Variants in PRELID2 observed in about 807,000 individuals in gnomAD.
PRELID2 encodes the protein PRELI domain-containing protein 2.
In PRELID2, 25 loss-of-function variants were observed where a neutral mutation model predicts 28.4. The observed-to-expected ratio is 0.88, with a 90% confidence interval of 0.64 to 1.23. The LOEUF is 1.23. Ranked by LOEUF, PRELID2 falls within the 50% of genes most tolerant of loss-of-function variation. The pLI, the probability that PRELID2 is intolerant of heterozygous loss-of-function variation, is 0.00. For missense variants in PRELID2, 201 were observed against 214.4 expected, an observed-to-expected ratio of 0.94 and a Z score of 0.39; for synonymous variants, 76 against 71.6, an observed-to-expected ratio of 1.06 and a Z score of -0.31.
chr5:145,815,726 C>T (rs755478616), intron 4 of PRELID2, among the ~76,000 whole-genome samples: 21 of 152,220 alleles, frequency 1.4e-4, no homozygotes, highest in Admixed American at 2.6e-4. Context: ...CATGTTTAAC[C>T]ATGAATCAGC....
At chr5:145,483,641 G>A (rs1275100097) in intron 1 of PRELID2, among the ~76,000 whole-genome samples, 1 of 152,142 alleles carries the variant, frequency 6.6e-6, no homozygotes, top group South Asian at 2.1e-4. Context: ...CATCCAACAA[G>A]TGATAGAGCC....
intron 1 of PRELID2, among the ~76,000 whole-genome samples, chr5:145,714,192 G>C (rs370556204): frequency 1.1e-3 from 168 of 152,190 alleles, no homozygotes; most frequent in African/African-American, 3.8e-3. Context: ...CCTCTGTGGT[G>C]TTTGGTCAAG....
the PRELID2 span, among the ~76,000 whole-genome samples, chr5:145,393,785 T>A: frequency 6.6e-6 from 1 of 152,154 alleles, no homozygotes; most frequent in Non-Finnish European, 1.5e-5. Context: ...GTGGAGAAAA[T>A]TTTAGGCCAA....
At chr5:145,784,930 A>G (rs1256704911) in intron 5 of PRELID2, among the ~76,000 whole-genome samples, 1 of 152,168 alleles carries the variant, frequency 6.6e-6, no homozygotes, top group East Asian at 1.9e-4. Context: ...CACTTTAATT[A>G]AAAATTGAAA....
Position 145,713,350 on chromosome 5 carries a change from T to TTATA in PRELID2, n.70+51577_70+51580dup, listed in dbSNP as rs148194664. Among the ~76,000 whole-genome samples, 152 of 124,674 alleles carry TTATA rather than the reference T, an allele frequency of 1.2e-3. 5 individuals carry two copies. Among genetic ancestry groups the TTATA allele is most frequent in the African/African-American group, 4.2e-3 (136 of 32,120 alleles). The allele number at this position is 124,674 out of a possible 152,430, so 81.8% of individuals were successfully genotyped here. ...AGAACTCTAAGAATGATATCTGACT[T>TTATA]TATATATATATATATATATACTTTA... On this transcript the variant is annotated intron_variant and non_coding_transcript_variant, in intron 1 of 2. Transcript: ENST00000510259.
chr5:145,294,013 A>G, the PRELID2 span, among the ~76,000 whole-genome samples: 1 of 152,144 alleles, frequency 6.6e-6, no homozygotes, highest in African/African-American at 2.4e-5. Flanking sequence ...CAACTGAGGA[A>G]TCTTAGGGCC....
intron 1 of PRELID2, among the ~76,000 whole-genome samples, chr5:145,659,048 A>G (rs1487132929): frequency 1.3e-5 from 2 of 152,206 alleles, no homozygotes; most frequent in African/African-American, 4.8e-5. Context: ...ATGAACCTAC[A>G]GCAGAGGGAG....
chr5:145,442,432 AC>A, the PRELID2 span, among the ~76,000 whole-genome samples: 1 of 152,124 alleles, frequency 6.6e-6, no homozygotes, highest in African/African-American at 2.4e-5. Flanking sequence ...TCTCTATTGC[AC>A]CCACAATGCA....
chr5:145,352,150 C>A, the PRELID2 span, among the ~76,000 whole-genome samples: 1 of 152,158 alleles, frequency 6.6e-6, no homozygotes, highest in African/African-American at 2.4e-5. Flanking sequence ...CTAGGCAATA[C>A]CACAGTGGGG....
At chr5:145,253,884 T>G in the PRELID2 span, among the ~76,000 whole-genome samples, 1 of 152,132 alleles carries the variant, frequency 6.6e-6, no homozygotes, top group Non-Finnish European at 1.5e-5. Flanking sequence ...ATGCAACTTT[T>G]GTCACTTTTA....
At chr5:145,793,358 AACAG>A (rs1414750155) in intron 5 of PRELID2, among the ~76,000 whole-genome samples, 1 of 152,164 alleles carries the variant, frequency 6.6e-6, no homozygotes, top group African/African-American at 2.4e-5. Flanking sequence ...ACCACTACTA[AACAG>A]ACTCAGCAAT....
chr5:145,586,385 G>A (rs905933295), intron 1 of PRELID2, among the ~76,000 whole-genome samples: 7 of 152,038 alleles, frequency 4.6e-5, no homozygotes, highest in African/African-American at 1.7e-4. Flanking sequence ...GCTCACACAT[G>A]TAATCCTAGC....
At chr5:145,637,777 T>C (rs1419172515) in intron 1 of PRELID2, among the ~76,000 whole-genome samples, 1 of 152,032 alleles carries the variant, frequency 6.6e-6, no homozygotes, top group Admixed American at 6.6e-5. Context: ...AGTCTTAATG[T>C]TAATGTCACA....
At chr5:145,616,932 C>A (rs554277390) in intron 1 of PRELID2, among the ~76,000 whole-genome samples, 4 of 152,062 alleles carry the variant, frequency 2.6e-5, no homozygotes, top group Admixed American at 2.0e-4. Flanking sequence ...ACGGCCACCC[C>A]CCGAAGCGGC....
chr5:145,371,801 C>A, the PRELID2 span, among the ~76,000 whole-genome samples: 1 of 150,562 alleles, frequency 6.6e-6, no homozygotes, highest in Non-Finnish European at 1.5e-5. Flanking sequence ...GTGGTGATAT[C>A]CCTGTTACCA....
chr5:145,287,806 C>T, the PRELID2 span, among the ~76,000 whole-genome samples: 3 of 152,062 alleles, frequency 2.0e-5, no homozygotes, highest in Non-Finnish European at 4.4e-5. Flanking sequence ...GTTCTAAGAT[C>T]CCACCCAAGA....
intron 1 of PRELID2, among the ~76,000 whole-genome samples, chr5:145,573,925 G>T (rs1753037305): frequency 6.6e-6 from 1 of 152,148 alleles, no homozygotes; most frequent in Admixed American, 6.5e-5. Flanking sequence ...TGCATTCTGT[G>T]TGGGCAGAAA....
At chr5:145,251,790 G>A in the PRELID2 span, among the ~76,000 whole-genome samples, 1 of 151,994 alleles carries the variant, frequency 6.6e-6, no homozygotes. Flanking sequence ...CTCATTGAGT[G>A]ATACTTTTAC....
At chr5:145,776,849 A>T (rs185994680) in intron 5 of PRELID2, among the ~76,000 whole-genome samples, 3 of 152,344 alleles carry the variant, frequency 2.0e-5, no homozygotes, top group South Asian at 2.1e-4. Context: ...ATATCCCTGC[A>T]TGTATTATTA....
Sources: allele counts gnomAD v4.1 joint callset (sites outside exome capture counted in the v4.1 genomes callset), GRCh38; gene constraint gnomAD v4.1.1; transcripts MANE v1.5; gene names NCBI Gene and HGNC (gene_info 2026-07-23, HGNC 2026-07-21).